Variants in PPL observed in about 807,000 individuals in gnomAD.
PPL encodes the protein 190 kDa paraneoplastic pemphigus antigen.
A neutral mutation model predicts 194.4 loss-of-function variants in PPL; 198 were observed. The ratio of observed to expected loss-of-function variants is 1.02; its 90% CI spans 0.91 to 1.15. The LOEUF (loss-of-function observed/expected upper bound fraction) is 1.15. Among genes scored for constraint, PPL ranks in the 50% most tolerant of loss-of-function variants. The probability of loss-of-function intolerance (pLI) is 0.00; values close to 1 mark genes in which losing one functional copy is unlikely to be tolerated. For missense variants in PPL, 2,885 were observed against 2,294.8 expected (o/e 1.26, Z -5.25); for synonymous variants, 1,220 against 972.4 (o/e 1.25, Z -4.74).
intron 18 of PPL, among the ~76,000 whole-genome samples, 177 bp from the exon 19 acceptor site, chr16:4,889,238 G>GTTTTT (rs1393004990): frequency 0.025 from 543 of 21,708 alleles, 22 homozygotes; most frequent in Middle Eastern, 0.05. Context: ...TTTTGTTGTT[G>GTTTTT]TTGTTTTTTT....
Position 4,890,801 on chromosome 16 carries a change from G to C in PPL, c.2089C>G (p.Leu697Val). Residue 697 changes from leucine to valine, a missense_variant, in exon 17 of 22, where the codon CTG (leucine) becomes GTG (valine). Physicochemically the swap from Leu to Val is conservative, Grantham distance 32 (BLOSUM62 1). Transcript: ENST00000345988. ...ASRFQEHCPD[L>V]ERQEAEVHKL... is the part of the protein sequence containing the mutation. Reference sequence around the variant, plus strand: ...TGCACCTCGGCCTCCTGGCGCTCCAGGTCCGGACAGTGCTCCTGGAAGCGG... The same window carrying C: ...TGCACCTCGGCCTCCTGGCGCTCCACGTCCGGACAGTGCTCCTGGAAGCGG... The C allele has an allele frequency of 6.2e-7, 1 of 1,604,202 alleles. No individual in the cohort carries two copies. The highest frequency in any genetic ancestry group is 1.1e-5 in the South Asian group (1 of 89,544).
At chr16:4,936,955 C>G (rs369107431) in intron 1 of PPL, 29 bp downstream of exon 1, 19 of 1,579,440 alleles carry the variant, frequency 1.2e-5, no homozygotes, top group Non-Finnish European at 1.6e-5. Flanking sequence ...CAAGAGCGTC[C>G]CGGAGCGGAG....
At chr16:4,890,506 C>T (rs1041214548) in intron 17 of PPL, among the ~76,000 whole-genome samples, 172 bp from the exon 18 acceptor site, 4 of 152,048 alleles carry the variant, frequency 2.6e-5, no homozygotes, top group Non-Finnish European at 4.4e-5. Context: ...TGTGGAGAAC[C>T]AGGTGGGTCC....
rs1373067074 is a variant in PPL, at chr16:4,884,720, C to T, written c.3935G>A (p.Arg1312Lys). ...PQTKEEVASL[R>K]AKLSEEQKKQ... ...CTTCTGCTCCTCTGAGAGCTTTGCC[C>T]TCAGAGACGCCACCTCCTCCTTGGT... is the stretch of plus-strand genomic sequence containing the variant. Residue 1312 changes from arginine to lysine, a missense_variant, in exon 22 of 22, where the codon AGG (arginine) becomes AAG (lysine). Transcript: ENST00000345988. The surrounding 1 kb of genome is among the most constrained non-coding windows in gnomAD (Gnocchi z 5.7). 6.2e-7 allele frequency: 1 copy of T among 1,614,164 alleles called. No homozygotes were observed. Among genetic ancestry groups the T allele is most frequent in the South Asian group, 1.1e-5 (1 of 91,084 alleles).
At chr16:4,899,982 C>T (rs758178180) in intron 6 of PPL, among the ~76,000 whole-genome samples, 17 of 152,130 alleles carry the variant, frequency 1.1e-4, no homozygotes, top group Non-Finnish European at 2.4e-4. Context: ...ATCCTCAAAG[C>T]GACCCTATGA....
intron 10 of PPL, 39 bp downstream of exon 10, chr16:4,895,555 C>T (rs964487643): frequency 1.1e-5 from 17 of 1,612,666 alleles, no homozygotes; most frequent in African/African-American, 5.3e-5. Flanking sequence ...AGGGGTCCCC[C>T]GCCCCCCGGG....
In PPL at chr16:4,895,604, C is replaced by G. The variant is rs1278065459; in HGVS notation, c.1085G>C (p.Arg362Pro). ...TGGGCCATCGCTCACATCCAGCTCC[C>G]GCAGCAGCAGCTCAATCTGGTACCG... is the stretch of plus-strand genomic sequence containing the variant. ...KDRYQIELLL[R>P]ELDDQEKVLD... is the part of the protein sequence containing the mutation. Residue 362 changes from arginine (R) to proline (P), a missense_variant, in exon 10 of 22, where the codon CGG becomes CCG. By Grantham distance (103) the Arg-to-Pro change is moderately radical. Coordinates refer to ENST00000345988, the MANE Select transcript of PPL (RefSeq NM_002705.5). 6 of 1,613,950 alleles carry G rather than the reference C, an allele frequency of 3.7e-6. No individual in the cohort carries two copies. In the Admixed American group the frequency reaches 6.7e-5, roughly 18 times the overall value.
At chr16:4,899,801 A>G (rs924483808) in intron 6 of PPL, among the ~76,000 whole-genome samples, 2 of 152,254 alleles carry the variant, frequency 1.3e-5, no homozygotes, top group African/African-American at 4.8e-5. Flanking sequence ...AACAAATATC[A>G]GTAACTATAG....
chr16:4,922,504 A>G (rs1274762371), intron 1 of PPL, among the ~76,000 whole-genome samples: 1 of 152,160 alleles, frequency 6.6e-6, no homozygotes, highest in Non-Finnish European at 1.5e-5. Context: ...TCTACTAAAA[A>G]TACAAAAATT....
intron 1 of PPL, among the ~76,000 whole-genome samples, chr16:4,931,606 G>A (rs538569838): frequency 6.6e-6 from 1 of 152,308 alleles, no homozygotes; most frequent in South Asian, 2.1e-4. Context: ...GGTGGTGCCG[G>A]TAACACCGGC....
chr16:4,936,716 C>A (rs1030433343), intron 1 of PPL, among the ~76,000 whole-genome samples: 2 of 152,164 alleles, frequency 1.3e-5, no homozygotes, highest in Non-Finnish European at 2.9e-5. Flanking sequence ...GTGCCCTAGG[C>A]CCTCAAGGCA....
Position 4,890,398 on chromosome 16 carries a change from T to C in PPL, c.2163-64A>G, listed in dbSNP as rs138058270. Reference sequence around the variant, plus strand: ...CAGATGCCTCACCGAGCCCTCATTTTTTTTTTTAAAGTGGGAAACAACCAA... The same window carrying C: ...CAGATGCCTCACCGAGCCCTCATTTCTTTTTTTAAAGTGGGAAACAACCAA... On this transcript the variant is annotated intron_variant, in intron 17 of 21. Coordinates refer to ENST00000345988, the MANE Select transcript of PPL (RefSeq NM_002705.5). 1.1e-3 allele frequency: 1,681 copies of C among 1,487,322 alleles called. 23 individuals are homozygous for C. The African/African-American group carries it at 0.022, about 19-fold the overall frequency. 92.1% of individuals were successfully genotyped at this position (1,487,322 alleles called of 1,614,324 possible). A position where few individuals can be genotyped will look rare whatever the true frequency, so the allele number is the denominator to read the frequency against.
Position 4,903,914 on chromosome 16 carries a change from G to T in PPL, c.289C>A (p.His97Asn). The T allele has an allele frequency of 6.2e-7, 1 of 1,614,100 alleles. No individual in the cohort carries two copies. The highest frequency in any genetic ancestry group is 1.7e-5 in the Admixed American group (1 of 60,030). Reference sequence around the variant, plus strand: ...TCGGCGATCATGTCCCCCTGTGGGTGCTTCATGTGCTTGGCAATGGCCGCA... The same window carrying T: ...TCGGCGATCATGTCCCCCTGTGGGTTCTTCATGTGCTTGGCAATGGCCGCA... Reference protein sequence around the residue: ...ADAAIAKHMKHPQGDMIAEDI... With the variant: ...ADAAIAKHMKNPQGDMIAEDI... Residue 97 changes from histidine to asparagine, a missense_variant, in exon 3 of 22, where the codon CAC (histidine) becomes AAC (asparagine). By Grantham distance (68) the His-to-Asn change is moderately conservative. Coordinates refer to ENST00000345988, the MANE Select transcript of PPL (RefSeq NM_002705.5).
In PPL at chr16:4,885,382, C is replaced by T. The variant is rs2088197560; in HGVS notation, c.3273G>A (p.Leu1091=). 2 of 1,613,006 alleles carry T rather than the reference C, an allele frequency of 1.2e-6. No homozygotes were observed. The highest frequency in any genetic ancestry group is 8.5e-7 in the Non-Finnish European group (1 of 1,179,984). ...DQLREKQEEE[L]SFLQDKLKRL... ...TCTTGAGCTTGTCCTGGAGGAAGCT[C>T]AGCTCCTCCTCCTGCTTCTCCCTGA... Residue 1091 remains leucine (L), a synonymous_variant, in exon 22 of 22, where the codon CTG becomes CTA. Coordinates refer to ENST00000345988, the MANE Select transcript of PPL (RefSeq NM_002705.5). This position sits in a 1 kb window ranked among gnomAD's most constrained non-coding sequence, Gnocchi z 6.3.
In PPL at chr16:4,904,021, T is replaced by G. The variant is rs1217406567; in HGVS notation, c.182A>C (p.Glu61Ala). 6.2e-7 allele frequency: 1 copy of G among 1,612,234 alleles called. No homozygotes were observed. The highest frequency in any genetic ancestry group is 8.5e-7 in the Non-Finnish European group (1 of 1,179,866). ...KMQSDLARLQ[E>A]GRQPEHRDVT... is the part of the protein sequence containing the mutation. ...GTCCCGGTGCTCAGGCTGCCGACCC[T>G]CCTGCAGCCGAGCCAGGTCCTGTGA... The change falls in exon 3 of 22, where the codon GAG (glutamate) becomes GCG (alanine). Residue 61 changes from glutamate (E) to alanine (A), a missense_variant. Glu to Ala is a moderately radical substitution (Grantham distance 107, BLOSUM62 -1). Transcript: ENST00000345988.
chr16:4,933,049 T>C (rs1020940252), intron 1 of PPL, among the ~76,000 whole-genome samples: 1 of 151,850 alleles, frequency 6.6e-6, no homozygotes, highest in African/African-American at 2.4e-5. Context: ...TTACCCAGGC[T>C]GGAGTGCAGT....
Position 4,884,525 on chromosome 16 carries a change from A to T in PPL, c.4130T>A (p.Val1377Glu), listed in dbSNP as rs375474068. 8.7e-5 allele frequency: 140 copies of T among 1,611,726 alleles called. No homozygotes were observed. Among genetic ancestry groups the T allele is most frequent in the Non-Finnish European group, 1.1e-4 (132 of 1,179,618 alleles). ...EASAFAESID[V>E]ELRQIDKLRA... ...CAGCTTGTCAATCTGCCGCAGCTCC[A>T]CATCGATGCTCTCGGCAAAGGCGCT... is the stretch of plus-strand genomic sequence containing the variant. The change falls in exon 22 of 22, where the codon GTG becomes GAG. Residue 1377 changes from valine (V) to glutamate (E), a missense_variant. Val to Glu is a moderately radical substitution (Grantham distance 121). Transcript: ENST00000345988. This position sits in a 1 kb window ranked among gnomAD's most constrained non-coding sequence, Gnocchi z 5.7.
intron 1 of PPL, among the ~76,000 whole-genome samples, chr16:4,928,261 T>C (rs1423771319): frequency 6.6e-6 from 1 of 152,234 alleles, no homozygotes; most frequent in Admixed American, 6.5e-5. Flanking sequence ...ATATTTTGTA[T>C]TTTTAGTAGG....
At chr16:4,894,341 G>C in intron 12 of PPL, 126 bp downstream of exon 12, 22 of 1,208,498 alleles carry the variant, frequency 1.8e-5, no homozygotes, top group Non-Finnish European at 2.2e-5. Context: ...AGGGGGTGCA[G>C]ATGGAGAGTG....
Sources: allele counts gnomAD v4.1 joint callset (sites outside exome capture counted in the v4.1 genomes callset), GRCh38; gene constraint gnomAD v4.1.1; non-coding constraint Gnocchi (gnomAD v3.1); transcripts MANE v1.5; gene names NCBI Gene and HGNC (gene_info 2026-07-23, HGNC 2026-07-21).